Variants in ADAMTS9 observed in about 807,000 individuals in gnomAD.
The protein encoded by ADAMTS9 is A disintegrin and metalloproteinase with thrombospondin motifs 9.
A neutral mutation model predicts 257.1 loss-of-function variants in ADAMTS9; 107 were observed. The observed-to-expected ratio is 0.42, with a 90% confidence interval of 0.36 to 0.49. The LOEUF is 0.49. ADAMTS9 is among the 20% of genes least tolerant of loss of function. ADAMTS9 has a pLI of 0.03. For synonymous variants in ADAMTS9, 982 were observed against 880.9 expected (o/e 1.11, Z -2.03); for missense variants, 2,353 against 2,469.1 (o/e 0.95, Z 1.00).
intron 12 of ADAMTS9, among the ~76,000 whole-genome samples, chr3:64,639,108 A>C (rs766030989): frequency 2.0e-5 from 3 of 151,908 alleles, no homozygotes; most frequent in Admixed American, 6.6e-5. Flanking sequence ...TTAAACTGAG[A>C]TTTGGATCTG....
rs9844661 is a variant in ADAMTS9 at position 64,654,556 on chromosome 3, C to G, written c.1210+16G>C. 1.2e-6 allele frequency: 2 copies of G among 1,613,888 alleles called. No individual in the cohort carries two copies. The highest frequency in any genetic ancestry group is 1.3e-5 in the African/African-American group (1 of 75,010). The stretch of plus-strand genomic sequence containing the variant: ...AAAACGGTTTTAGCCATAGAAGATA[C>G]GCACAGAGAACTCACCTAAGGTATC... On this transcript the variant is annotated intron_variant, in intron 7 of 39. Coordinates refer to ENST00000498707, the MANE Select transcript of ADAMTS9 (RefSeq NM_182920.2).
chr3:64,677,099 CA>C (rs1437557886), intron 3 of ADAMTS9, among the ~76,000 whole-genome samples: 5 of 152,150 alleles, frequency 3.3e-5, no homozygotes, highest in Non-Finnish European at 5.9e-5. Flanking sequence ...CTTATAAAAG[CA>C]AGCCACTCTC....
intron 27 of ADAMTS9, 145 bp downstream of exon 27, chr3:64,596,685 T>A: frequency 1.0e-6 from 1 of 984,816 alleles, no homozygotes; most frequent in Non-Finnish European, 1.5e-6. Context: ...AGTCCAGAAT[T>A]TAAGAAGACA....
At chr3:64,617,374 G>A (rs1699983806) in intron 19 of ADAMTS9, among the ~76,000 whole-genome samples, 1 of 152,136 alleles carries the variant, frequency 6.6e-6, no homozygotes, top group African/African-American at 2.4e-5. Context: ...TGGCAGAGTG[G>A]CTCAAGTGCC....
At chr3:64,618,449 C>A (rs950832920) in intron 19 of ADAMTS9, among the ~76,000 whole-genome samples, 3 of 152,140 alleles carry the variant, frequency 2.0e-5, no homozygotes, top group African/African-American at 4.8e-5. Context: ...ACACAAAGAA[C>A]TGAAGCCCTA....
rs1231540012 is a variant in ADAMTS9, at chr3:64,516,298, T to A, written c.*829A>T. 1 of 152,538 alleles carries A rather than the reference T, an allele frequency of 6.6e-6. No homozygotes were observed. The highest frequency in any genetic ancestry group is 1.5e-5 in the Non-Finnish European group (1 of 68,024). 9.4% of individuals were successfully genotyped at this position (152,538 alleles called of 1,614,324 possible). On this transcript the variant is annotated 3_prime_UTR_variant, in exon 40 of 40. Coordinates refer to ENST00000498707, the MANE Select transcript of ADAMTS9 (RefSeq NM_182920.2). ...TGTAATGAAGCTGCTTGGGGGATCC[T>A]CCATTTGATTGTGGAGAGACCAAGG...
intron 28 of ADAMTS9, among the ~76,000 whole-genome samples, chr3:64,570,273 C>T (rs1046105270): frequency 2.0e-5 from 3 of 152,042 alleles, no homozygotes; most frequent in Non-Finnish European, 4.4e-5. Context: ...GGGAAGCTGA[C>T]ATTAATTAAG....
At chr3:64,531,598 C>T (rs748698693) in intron 38 of ADAMTS9, among the ~76,000 whole-genome samples, 11 of 152,142 alleles carry the variant, frequency 7.2e-5, no homozygotes, top group African/African-American at 1.4e-4. Flanking sequence ...CTCCAAGTAG[C>T]TGGGACTACA....
chr3:64,687,675 C>T lies in ADAMTS9; in HGVS notation c.-18G>A, dbSNP rs1194778123. Reference sequence around the variant, plus strand: ...AACTGCATGGTGCTTCCCACCCCTCCCTCCGCTGCCCCCACCCCCCTCCCT... The same window carrying T: ...AACTGCATGGTGCTTCCCACCCCTCTCTCCGCTGCCCCCACCCCCCTCCCT... On this transcript the variant is annotated 5_prime_UTR_variant, in exon 1 of 40. Transcript: ENST00000498707. This position sits in a 1 kb window ranked among gnomAD's most constrained non-coding sequence, Gnocchi z 4.4. 1 of 1,482,458 alleles carries T rather than the reference C, an allele frequency of 6.7e-7. No homozygotes were observed. Among genetic ancestry groups the T allele is most frequent in the South Asian group, 1.3e-5 (1 of 78,762 alleles). The allele number at this position is 1,482,458 out of a possible 1,614,324, so 91.8% of individuals were successfully genotyped here.
intron 30 of ADAMTS9, among the ~76,000 whole-genome samples, chr3:64,554,580 G>A (rs2083307875): frequency 6.6e-6 from 1 of 152,164 alleles, no homozygotes; most frequent in Non-Finnish European, 1.5e-5. Context: ...AAAACAGTTG[G>A]AAAGTTCAAT....
In ADAMTS9 at chr3:64,686,919, T is replaced by C. The variant is rs1173181976; in HGVS notation, c.165A>G (p.Arg55=). 1 of 1,614,198 alleles carries C rather than the reference T, an allele frequency of 6.2e-7. No homozygotes were observed. The highest frequency in any genetic ancestry group is 8.5e-7 in the Non-Finnish European group (1 of 1,180,046). ...GAAAGGGTTCTCCGAGAGCGTTCAC[T>C]CGGATGGGAGACACGATTTCGTATT... ...LSEYEIVSPI[R]VNALGEPFPT... Residue 55 remains arginine, a synonymous_variant, in exon 2 of 40, where the codon CGA becomes CGG. Coordinates refer to ENST00000498707, the MANE Select transcript of ADAMTS9 (RefSeq NM_182920.2). This position sits in a 1 kb window ranked among gnomAD's most constrained non-coding sequence, Gnocchi z 4.6.
chr3:64,639,728 G>A (rs1410592394), intron 12 of ADAMTS9, among the ~76,000 whole-genome samples: 1 of 152,086 alleles, frequency 6.6e-6, no homozygotes, highest in Non-Finnish European at 1.5e-5. Context: ...TTTTTAATAT[G>A]TAAAAAATTC....
chr3:64,515,716 A>G lies in ADAMTS9; in HGVS notation c.*1411T>C, dbSNP rs2082768347. The G allele has an allele frequency of 6.6e-6, 1 of 152,234 alleles. No homozygotes were observed. Among genetic ancestry groups the G allele is most frequent in the Admixed American group, 6.5e-5 (1 of 15,288 alleles). 9.4% of individuals were successfully genotyped at this position (152,234 alleles called of 1,614,324 possible). On this transcript the variant is annotated 3_prime_UTR_variant, in exon 40 of 40. Coordinates refer to ENST00000498707, the MANE Select transcript of ADAMTS9 (RefSeq NM_182920.2). ...CAGAACACATTAATAATGGAGAATA[A>G]CACTTATTCATATACTGAATATAAC...
At chr3:64,644,764 A>G (rs1176133663) in intron 11 of ADAMTS9, among the ~76,000 whole-genome samples, 1 of 152,116 alleles carries the variant, frequency 6.6e-6, no homozygotes, top group Admixed American at 6.5e-5. Context: ...GGATCTCTTT[A>G]TTCTATAGAT....
At chr3:64,662,289 T>C (rs909778693) in intron 3 of ADAMTS9, among the ~76,000 whole-genome samples, 1 of 152,152 alleles carries the variant, frequency 6.6e-6, no homozygotes, top group African/African-American at 2.4e-5. Context: ...ATTACTTTTA[T>C]CCTTTTAAAC....
chr3:64,681,484 G>A, intron 2 of ADAMTS9, 121 bp from the exon 3 acceptor site: 1 of 1,072,370 alleles, frequency 9.3e-7, no homozygotes, highest in South Asian at 1.9e-5. Context: ...TTTCAGGAGG[G>A]TTGTTTCAAC....
intron 27 of ADAMTS9, among the ~76,000 whole-genome samples, chr3:64,595,787 A>G (rs1274435788): frequency 7.4e-6 from 1 of 135,008 alleles, no homozygotes; most frequent in African/African-American, 3.1e-5. Context: ...CATCAATCTC[A>G]TTTGTCTTTT....
Position 64,538,677 on chromosome 3 carries a change from G to A in ADAMTS9, c.5613+526C>T, listed in dbSNP as rs891368953. Among the ~76,000 whole-genome samples, 35 of 152,204 alleles carry A rather than the reference G, an allele frequency of 2.3e-4. 1 individual carries two copies. Among genetic ancestry groups the A allele is most frequent in the Non-Finnish European group, 2.9e-4 (20 of 68,034 alleles). On this transcript the variant is annotated intron_variant, in intron 37 of 39. Coordinates refer to ENST00000498707, the MANE Select transcript of ADAMTS9 (RefSeq NM_182920.2). ...TTCAGATTCATAAAGGCTGACAGTGGTGTGTTGGCACGTGCTTGAACTGGC... is the reference window on the plus strand; with the variant it reads ...TTCAGATTCATAAAGGCTGACAGTGATGTGTTGGCACGTGCTTGAACTGGC...
chr3:64,684,089 C>T (rs1398856359), intron 2 of ADAMTS9, among the ~76,000 whole-genome samples: 2 of 152,062 alleles, frequency 1.3e-5, no homozygotes, highest in African/African-American at 4.8e-5. Flanking sequence ...GGGTGGGGTG[C>T]AGAGAAAGCA....
Sources: allele counts gnomAD v4.1 joint callset (sites outside exome capture counted in the v4.1 genomes callset), GRCh38; gene constraint gnomAD v4.1.1; non-coding constraint Gnocchi (gnomAD v3.1); transcripts MANE v1.5; gene names NCBI Gene and HGNC (gene_info 2026-07-23, HGNC 2026-07-21).